CAMK2B: variants seen among roughly 807,000 people sequenced by gnomAD.
CAMK2B encodes calcium/calmodulin dependent protein kinase II beta.
A neutral mutation model predicts 93.7 loss-of-function variants in CAMK2B; 27 were observed. That is an observed-to-expected ratio of 0.29 (90% confidence interval 0.21 to 0.40). CAMK2B has a LOEUF of 0.40. Among genes scored for constraint, CAMK2B ranks in the 10% least tolerant of loss-of-function variants. The pLI, the probability that CAMK2B is intolerant of heterozygous loss-of-function variation, is 1.00. For synonymous variants in CAMK2B, 374 were observed against 358.8 expected (o/e 1.04, Z -0.48); for missense variants, 568 against 895.8 (o/e 0.63, Z 4.67).
At chr7:44,297,886 G>A (rs1010007199) in intron 1 of CAMK2B, among the ~76,000 whole-genome samples, 2 of 152,242 alleles carry the variant, frequency 1.3e-5, no homozygotes, top group African/African-American at 2.4e-5. Context: ...CACTTTGGGA[G>A]GCCATGGAGG....
intron 1 of CAMK2B, among the ~76,000 whole-genome samples, chr7:44,323,183 G>A (rs1482874781): frequency 1.3e-5 from 2 of 152,226 alleles, no homozygotes; most frequent in Non-Finnish European, 2.9e-5. Flanking sequence ...GCGTCGCCAG[G>A]GACCCGGCGC....
In CAMK2B at chr7:44,225,661, T is replaced by G; in HGVS notation, c.1597+855A>C. On this transcript the variant is annotated intron_variant, in intron 20 of 23. Coordinates refer to ENST00000395749, the MANE Select transcript of CAMK2B (RefSeq NM_001220.5). This position sits in a 1 kb window ranked among gnomAD's most constrained non-coding sequence, Gnocchi z 5.0. ...CGAGCCGCTGCTCCTGTGGGTTCAC[T>G]CTCCCCACACCCTTCTGCCCTGGCC... 1 of 1,123,784 alleles carries G rather than the reference T, an allele frequency of 8.9e-7. No homozygotes were observed. Among genetic ancestry groups the G allele is most frequent in the Non-Finnish European group, 1.2e-6 (1 of 842,062 alleles). The allele number at this position is 1,123,784 out of a possible 1,614,324, so 69.6% of individuals were successfully genotyped here. A position where few individuals can be genotyped will look rare whatever the true frequency, so the allele number is the denominator to read the frequency against.
chr7:44,288,841 C>T (rs1269436112), intron 1 of CAMK2B, among the ~76,000 whole-genome samples: 2 of 152,100 alleles, frequency 1.3e-5, no homozygotes, highest in Admixed American at 6.5e-5. Flanking sequence ...TGCAGGGGGG[C>T]TCAGGCTTCT....
chr7:44,234,518 C>T, intron 14 of CAMK2B, 57 bp from the exon 15 acceptor site: 1 of 1,584,764 alleles, frequency 6.3e-7, no homozygotes. Context: ...CTCGCCATTC[C>T]CTGTCCCGTG....
At chr7:44,285,104 A>C (rs1275465999) in intron 1 of CAMK2B, among the ~76,000 whole-genome samples, 1 of 152,156 alleles carries the variant, frequency 6.6e-6, no homozygotes, top group Non-Finnish European at 1.5e-5. Flanking sequence ...GGGCGCCCTG[A>C]GGGAGTCAGT....
intron 1 of CAMK2B, among the ~76,000 whole-genome samples, chr7:44,301,127 ATTAT>A (rs1433315507): frequency 2.0e-5 from 3 of 152,080 alleles, no homozygotes; most frequent in African/African-American, 7.3e-5. Context: ...GGCAGTCTTT[ATTAT>A]TTATTTATTT....
intron 5 of CAMK2B, among the ~76,000 whole-genome samples, chr7:44,249,371 T>C (rs1341471098): frequency 6.6e-6 from 1 of 152,080 alleles, no homozygotes; most frequent in East Asian, 1.9e-4. Context: ...GCCATCCAGA[T>C]GGGTCCAGAT....
rs1425655651 is a variant in CAMK2B at position 44,224,403 on chromosome 7, C to T, written c.1597+2113G>A. On this transcript the variant is annotated intron_variant, in intron 20 of 23. Transcript: ENST00000395749. The surrounding 1 kb of genome is among the most constrained non-coding windows in gnomAD (Gnocchi z 4.4). ...ATGAAGAGGTGCCCGGGTCGGGAAA[C>T]CTGCTGGCTGAGGACAAGCTGTCCT... is the stretch of plus-strand genomic sequence containing the variant. Among the ~76,000 whole-genome samples, 1 of 152,182 alleles carries T rather than the reference C, an allele frequency of 6.6e-6. No homozygotes were observed. Among genetic ancestry groups the T allele is most frequent in the Non-Finnish European group, 1.5e-5 (1 of 68,036 alleles).
intron 1 of CAMK2B, among the ~76,000 whole-genome samples, chr7:44,310,080 C>A (rs1216185277): frequency 6.6e-6 from 1 of 152,226 alleles, no homozygotes; most frequent in Non-Finnish European, 1.5e-5. Flanking sequence ...CGGGCGGGGG[C>A]GGGGGCGCTT....
At chr7:44,256,009 G>GT (rs2096830372) in intron 4 of CAMK2B, among the ~76,000 whole-genome samples, 1 of 152,058 alleles carries the variant, frequency 6.6e-6, no homozygotes, top group African/African-American at 2.4e-5. Flanking sequence ...CCAGGCTGGG[G>GT]CTGGGGGCAG....
chr7:44,231,660 T>C (rs540051252), intron 16 of CAMK2B, among the ~76,000 whole-genome samples: 56 of 152,234 alleles, frequency 3.7e-4, no homozygotes, highest in Non-Finnish European at 6.9e-4. Context: ...AGGCAGAGCA[T>C]TCCTGTCGCC....
chr7:44,292,028 T>G (rs900750104), intron 1 of CAMK2B, among the ~76,000 whole-genome samples: 1 of 152,222 alleles, frequency 6.6e-6, no homozygotes, highest in African/African-American at 2.4e-5. Context: ...ACCAAGCGGT[T>G]TAAACAACAG....
chr7:44,289,206 T>C (rs1304256819), intron 1 of CAMK2B, among the ~76,000 whole-genome samples: 2 of 151,984 alleles, frequency 1.3e-5, no homozygotes, highest in East Asian at 3.9e-4. Flanking sequence ...CCCACGGAGC[T>C]CCCCACCGCA....
chr7:44,270,688 G>A (rs1319349252), intron 2 of CAMK2B, among the ~76,000 whole-genome samples: 1 of 152,224 alleles, frequency 6.6e-6, no homozygotes, highest in East Asian at 1.9e-4. Context: ...AAGTAGCGCT[G>A]TTCCTGTCCA....
chr7:44,258,414 C>A (rs1168881801), intron 4 of CAMK2B, among the ~76,000 whole-genome samples: 2 of 152,394 alleles, frequency 1.3e-5, no homozygotes, highest in South Asian at 2.1e-4. Context: ...CACGTGCAAA[C>A]ACCCACACAC....
chr7:44,241,790 G>C lies in CAMK2B; in HGVS notation c.820-7C>G. 6.2e-7 allele frequency: 1 copy of C among 1,610,572 alleles called. No individual in the cohort carries two copies. Among genetic ancestry groups the C allele is most frequent in the Non-Finnish European group, 8.5e-7 (1 of 1,177,308 alleles). On this transcript the variant is annotated splice_polypyrimidine_tract_variant and splice_region_variant and intron_variant, in intron 10 of 23. Transcript: ENST00000395749. ...ATGCTACCGTGGAGCGTTGCTGTGGGGAAATGGGTGGTCATATGGCAGCCG... is the reference window on the plus strand; with the variant it reads ...ATGCTACCGTGGAGCGTTGCTGTGGCGAAATGGGTGGTCATATGGCAGCCG...
intron 17 of CAMK2B, chr7:44,229,757 C>G (rs2096560779): frequency 2.5e-6 from 1 of 406,692 alleles, no homozygotes; most frequent in African/African-American, 2.1e-5. Context: ...GCAGCACAGG[C>G]CAGTGCAGGC....
At chr7:44,314,412 C>T (rs1011782642) in intron 1 of CAMK2B, among the ~76,000 whole-genome samples, 40 of 152,172 alleles carry the variant, frequency 2.6e-4, no homozygotes, top group African/African-American at 9.2e-4. Context: ...CTGAGCATGA[C>T]GTTTTGAACG....
At chr7:44,223,353 C>G (rs2096435301) in intron 20 of CAMK2B, among the ~76,000 whole-genome samples, 1 of 152,166 alleles carries the variant, frequency 6.6e-6, no homozygotes, top group Non-Finnish European at 1.5e-5. Flanking sequence ...AGTCTTGCTA[C>G]ACAAGCCCAG....
Sources: allele counts gnomAD v4.1 joint callset (sites outside exome capture counted in the v4.1 genomes callset), GRCh38; gene constraint gnomAD v4.1.1; non-coding constraint Gnocchi (gnomAD v3.1); transcripts MANE v1.5; gene names NCBI Gene and HGNC (gene_info 2026-07-23, HGNC 2026-07-21).